Variants in PRKG1 observed in about 807,000 individuals in gnomAD.
The protein encoded by PRKG1 is cGMP-dependent protein kinase 1.
Under a neutral mutation model 88.1 loss-of-function variants are expected in PRKG1, and 35 were observed. The ratio of observed to expected loss-of-function variants is 0.40; its 90% CI spans 0.30 to 0.53. The LOEUF (loss-of-function observed/expected upper bound fraction) is 0.53. Among genes scored for constraint, PRKG1 ranks in the 20% least tolerant of loss-of-function variants. The probability of loss-of-function intolerance (pLI) is 0.59; values close to 1 mark genes in which losing one functional copy is unlikely to be tolerated. For synonymous variants in PRKG1, 303 were observed against 292.5 expected, an observed-to-expected ratio of 1.04 and a Z score of -0.37; for missense variants, 540 against 839.8, an observed-to-expected ratio of 0.64 and a Z score of 4.41.
intron 2 of PRKG1, among the ~76,000 whole-genome samples, chr10:51,412,180 T>TGAGA (rs746950388): frequency 0.033 from 4,153 of 125,230 alleles, 70 homozygotes; most frequent in Non-Finnish European, 0.04. Context: ...GGAGAGAGAG[T>TGAGA]GAGAGAGAGA....
intron 8 of PRKG1, among the ~76,000 whole-genome samples, chr10:52,137,525 A>G (rs1837461006): frequency 6.6e-6 from 1 of 152,118 alleles, no homozygotes; most frequent in African/African-American, 2.4e-5. Context: ...GATTGGTTCA[A>G]GGACCCCCTT....
intron 4 of PRKG1, among the ~76,000 whole-genome samples, chr10:51,885,444 T>C (rs1173712640): frequency 6.6e-6 from 1 of 152,252 alleles, no homozygotes; most frequent in East Asian, 1.9e-4. Flanking sequence ...TGCTTTTTAA[T>C]AAATTATCTG....
chr10:51,679,813 G>A (rs1457140243), intron 3 of PRKG1, among the ~76,000 whole-genome samples: 2 of 144,604 alleles, frequency 1.4e-5, no homozygotes, highest in South Asian at 2.2e-4. Flanking sequence ...ATGCTGATGC[G>A]CTGCACCCAC....
intron 1 of PRKG1, among the ~76,000 whole-genome samples, chr10:50,997,365 G>A (rs1180344470): frequency 6.6e-6 from 1 of 152,100 alleles, no homozygotes; most frequent in Non-Finnish European, 1.5e-5. Flanking sequence ...ATATGCACAG[G>A]TTGAAAGTTT....
At chr10:51,903,467 T>C (rs1221573580) in intron 4 of PRKG1, among the ~76,000 whole-genome samples, 3 of 152,160 alleles carry the variant, frequency 2.0e-5, no homozygotes, top group African/African-American at 7.2e-5. Flanking sequence ...ATTGGCAACT[T>C]ACTCTCAAAT....
chr10:51,465,168 T>A (rs1002456062), intron 2 of PRKG1, among the ~76,000 whole-genome samples: 4 of 152,180 alleles, frequency 2.6e-5, no homozygotes, highest in African/African-American at 9.7e-5. Context: ...GAATATCTTA[T>A]CTTTACAAAT....
At chr10:51,992,817 T>C (rs920139080) in intron 5 of PRKG1, among the ~76,000 whole-genome samples, 1 of 152,218 alleles carries the variant, frequency 6.6e-6, no homozygotes, top group Admixed American at 6.5e-5. Flanking sequence ...TGTATTTTAC[T>C]TGTGCAAAAC....
intron 7 of PRKG1, among the ~76,000 whole-genome samples, chr10:52,101,074 A>C (rs1332703392): frequency 1.7e-4 from 26 of 152,188 alleles, no homozygotes; most frequent in Non-Finnish European, 1.5e-5. Flanking sequence ...ATTCATATTG[A>C]TGAATCTGTC....
At chr10:52,239,282 T>C (rs2132372956) in intron 9 of PRKG1, among the ~76,000 whole-genome samples, 1 of 142,466 alleles carries the variant, frequency 7.0e-6, no homozygotes, top group East Asian at 2.1e-4. Flanking sequence ...GTAACTAACC[T>C]GCACAATGTG....
chr10:51,322,995 A>G (rs979901713), intron 2 of PRKG1, among the ~76,000 whole-genome samples: 1 of 152,196 alleles, frequency 6.6e-6, no homozygotes, highest in African/African-American at 2.4e-5. Flanking sequence ...TTTAATCCCT[A>G]TGGAAACTAA....
At chr10:52,259,309 C>A (rs561945792) in intron 10 of PRKG1, among the ~76,000 whole-genome samples, 1 of 152,030 alleles carries the variant, frequency 6.6e-6, no homozygotes, top group East Asian at 1.9e-4. Flanking sequence ...TTATTTTGTA[C>A]CACAGTGCAG....
intron 2 of PRKG1, among the ~76,000 whole-genome samples, chr10:51,317,428 G>A (rs1841350172): frequency 6.6e-6 from 1 of 152,184 alleles, no homozygotes; most frequent in Non-Finnish European, 1.5e-5. Flanking sequence ...CAGGAGCTAT[G>A]TCTTATTCAT....
chr10:52,043,152 C>A (rs549429585), intron 5 of PRKG1, among the ~76,000 whole-genome samples: 4 of 151,984 alleles, frequency 2.6e-5, no homozygotes, highest in Non-Finnish European at 5.9e-5. Flanking sequence ...ATATGGAAAA[C>A]AGTATGGAGG....
intron 1 of PRKG1, among the ~76,000 whole-genome samples, chr10:50,993,900 C>G (rs1589095134): frequency 1.3e-5 from 2 of 152,218 alleles, no homozygotes; most frequent in South Asian, 2.1e-4. Context: ...CTTCTTCTGT[C>G]CTTCTCTCTT....
At chr10:52,163,640 T>C (rs1838344185) in intron 9 of PRKG1, among the ~76,000 whole-genome samples, 1 of 152,124 alleles carries the variant, frequency 6.6e-6, no homozygotes, top group Non-Finnish European at 1.5e-5. Flanking sequence ...ATGCTTCAAA[T>C]TGATCAGTGA....
chr10:51,447,752 G>A (rs951253670), intron 2 of PRKG1, among the ~76,000 whole-genome samples: 1 of 151,862 alleles, frequency 6.6e-6, no homozygotes, highest in African/African-American at 2.4e-5. Context: ...TCTTCTGCAG[G>A]AAGTCATAAC....
In PRKG1 at chr10:51,609,948, C is replaced by T. The variant is rs536911757; in HGVS notation, c.592+142112C>T. Among the ~76,000 whole-genome samples, 8 of 152,118 alleles carry T rather than the reference C, an allele frequency of 5.3e-5. No individual in the cohort carries two copies. In the East Asian group the frequency reaches 1.5e-3, roughly 29 times the overall value. Reference sequence around the variant, plus strand: ...AGCAAACCACCATGGCACACATTTACCTATGTAACCTGCACATCCTGCACA... The same window carrying T: ...AGCAAACCACCATGGCACACATTTATCTATGTAACCTGCACATCCTGCACA... On this transcript the variant is annotated intron_variant, in intron 3 of 17. Transcript: ENST00000373980.
chr10:51,505,755 C>T (rs1841181282), intron 3 of PRKG1, among the ~76,000 whole-genome samples: 1 of 152,132 alleles, frequency 6.6e-6, no homozygotes, highest in Admixed American at 6.6e-5. Context: ...AGTTTATTTG[C>T]ATAGAGGTGT....
At chr10:52,132,527 A>T (rs1173860766) in intron 7 of PRKG1, among the ~76,000 whole-genome samples, 1 of 152,094 alleles carries the variant, frequency 6.6e-6, no homozygotes, top group Non-Finnish European at 1.5e-5. Context: ...GTTCGGAAAT[A>T]TATTTCAGAA....
Sources: allele counts gnomAD v4.1 joint callset (sites outside exome capture counted in the v4.1 genomes callset), GRCh38; gene constraint gnomAD v4.1.1; transcripts MANE v1.5; gene names NCBI Gene and HGNC (gene_info 2026-07-23, HGNC 2026-07-21).